Variants in MARCHF8 observed in about 807,000 individuals in gnomAD.
The protein encoded by MARCHF8 is E3 ubiquitin-protein ligase MARCHF8.
In MARCHF8, 40 loss-of-function variants were observed where a neutral mutation model predicts 51.6. That is an observed-to-expected ratio of 0.77 (90% CI 0.60 to 1.01). The LOEUF is 1.01. MARCHF8 is among the 50% of genes least tolerant of loss of function. MARCHF8 has a pLI of 0.00. For missense variants in MARCHF8, 685 were observed against 708.6 expected (o/e 0.97, Z 0.38); for synonymous variants, 263 against 280.3 (o/e 0.94, Z 0.62).
rs1199160400 is a variant in MARCHF8, at chr10:45,463,529, C to G, written c.710G>C (p.Gly237Ala). ...TASEVEAGKG[G>A]RPGLLLEEKA... is the part of the protein sequence containing the mutation. The stretch of plus-strand genomic sequence containing the variant: ...CTCTTCCAGCAGCAGGCCGGGCCTG[C>G]CCCCCTTGCCAGCTTCCACCTCTGA... Residue 237 changes from glycine to alanine, a missense_variant, in exon 5 of 8, where the codon GGC becomes GCC. By Grantham distance (60) the Gly-to-Ala change is moderately conservative. Transcript: ENST00000453424. The G allele has an allele frequency of 1.3e-6, 2 of 1,550,498 alleles. No individual in the cohort carries two copies. Among genetic ancestry groups the G allele is most frequent in the Admixed American group, 3.9e-5 (2 of 50,986 alleles).
intron 3 of MARCHF8, among the ~76,000 whole-genome samples, chr10:45,473,325 A>G (rs1055545110): frequency 8.5e-5 from 13 of 152,216 alleles, no homozygotes; most frequent in Non-Finnish European, 1.8e-4. Context: ...TTGATTAACA[A>G]GAGGTACATA....
chr10:45,481,182 T>C (rs1295635735), intron 3 of MARCHF8, among the ~76,000 whole-genome samples: 5 of 152,216 alleles, frequency 3.3e-5, no homozygotes, highest in Admixed American at 6.5e-5. Flanking sequence ...CCATTTGGAA[T>C]GAGTGTATTT....
intron 1 of MARCHF8, among the ~76,000 whole-genome samples, chr10:45,584,167 A>ATC (rs1554821446): frequency 2.8e-5 from 3 of 105,938 alleles, no homozygotes; most frequent in Non-Finnish European, 4.0e-5. Context: ...ATATATATAT[A>ATC]TCAAGAAATT....
At chr10:45,468,140 T>C (rs1843032557) in intron 3 of MARCHF8, among the ~76,000 whole-genome samples, 1 of 152,280 alleles carries the variant, frequency 6.6e-6, no homozygotes, top group African/African-American at 2.4e-5. Flanking sequence ...CCAAGTCTTT[T>C]AGTGGCTGGC....
intron 3 of MARCHF8, among the ~76,000 whole-genome samples, chr10:45,488,600 C>T (rs2043027087): frequency 1.3e-5 from 2 of 152,200 alleles, no homozygotes. Flanking sequence ...CGGCCGACTG[C>T]TCCTGCCAAC....
intron 1 of MARCHF8, among the ~76,000 whole-genome samples, chr10:45,534,035 T>C (rs556864793): frequency 6.6e-6 from 1 of 152,112 alleles, no homozygotes; most frequent in Non-Finnish European, 1.5e-5. Context: ...TACAAAAAAT[T>C]AGCCAGGCAT....
rs1419683924 is a variant in MARCHF8, at chr10:45,461,349, C to T, written c.1151G>A (p.Ser384Asn). ...GCAGGCCTGGTGCACGAAGTGGAGG[C>T]TTCCTGTGCAGTGGCAGGGGGTGAT... ...PLITPCHCTG[S>N]LHFVHQACLQ... Residue 384 changes from serine to asparagine, a missense_variant, in exon 6 of 8, where the codon AGC becomes AAC. Transcript: ENST00000453424. 6.2e-7 allele frequency: 1 copy of T among 1,607,180 alleles called. No individual in the cohort carries two copies. The highest frequency in any genetic ancestry group is 1.7e-5 in the Admixed American group (1 of 58,820).
chr10:45,518,798 C>T (rs755771959), intron 2 of MARCHF8, among the ~76,000 whole-genome samples: 1 of 152,180 alleles, frequency 6.6e-6, no homozygotes, highest in African/African-American at 2.4e-5. Context: ...GGTTCTAGAG[C>T]CCTCTTGTAA....
At chr10:45,542,239 T>A (rs1368649980) in intron 1 of MARCHF8, among the ~76,000 whole-genome samples, 1 of 148,550 alleles carries the variant, frequency 6.7e-6, no homozygotes, top group African/African-American at 2.5e-5. Flanking sequence ...CCCAGCTACT[T>A]GGTAGGCTGA....
chr10:45,511,806 T>C (rs953580917), intron 2 of MARCHF8, among the ~76,000 whole-genome samples: 13 of 152,100 alleles, frequency 8.5e-5, no homozygotes, highest in East Asian at 1.9e-4. Flanking sequence ...AGTGCCGAGA[T>C]TGCAGCCTCT....
At chr10:45,560,272 T>C (rs374961247) in intron 1 of MARCHF8, among the ~76,000 whole-genome samples, 16 of 152,282 alleles carry the variant, frequency 1.1e-4, no homozygotes, top group African/African-American at 3.6e-4. Context: ...GCAAACCTTC[T>C]TGGAAGGCCA....
chr10:45,547,774 A>G (rs376179912), intron 1 of MARCHF8, among the ~76,000 whole-genome samples: 15 of 152,218 alleles, frequency 9.9e-5, no homozygotes, highest in East Asian at 9.6e-4. Context: ...AGTATTAAAT[A>G]GTGACAGGCC....
At chr10:45,576,976 A>AG in intron 1 of MARCHF8, among the ~76,000 whole-genome samples, 1 of 124,248 alleles carries the variant, frequency 8.0e-6, no homozygotes, top group Admixed American at 7.9e-5. Flanking sequence ...AGAGAAAAGA[A>AG]AAAAAAAAAA....
chr10:45,494,965 C>T (rs1404272745), intron 2 of MARCHF8, among the ~76,000 whole-genome samples: 1 of 152,018 alleles, frequency 6.6e-6, no homozygotes, highest in African/African-American at 2.4e-5. Context: ...ACTAGAAATA[C>T]AAAAATTAGC....
intron 1 of MARCHF8, among the ~76,000 whole-genome samples, chr10:45,590,421 T>C (rs752940096): frequency 1.8e-4 from 28 of 152,148 alleles, no homozygotes; most frequent in Non-Finnish European, 3.2e-4. Context: ...GGGGAGCATG[T>C]AGACAGGATA....
chr10:45,562,443 T>G (rs1034407487), intron 1 of MARCHF8, among the ~76,000 whole-genome samples: 2 of 152,134 alleles, frequency 1.3e-5, no homozygotes, highest in Admixed American at 6.6e-5. Flanking sequence ...GCTCAGACTA[T>G]AGAATTCTCA....
At chr10:45,514,451 C>A (rs1167326224) in intron 2 of MARCHF8, among the ~76,000 whole-genome samples, 2 of 152,264 alleles carry the variant, frequency 1.3e-5, no homozygotes, top group African/African-American at 4.8e-5. Flanking sequence ...CAGCTGCCAC[C>A]CTACAGCTGC....
intron 1 of MARCHF8, among the ~76,000 whole-genome samples, chr10:45,568,738 A>C (rs927213670): frequency 6.7e-5 from 9 of 134,212 alleles, no homozygotes; most frequent in South Asian, 2.5e-4. Context: ...AAAAAAAAAA[A>C]CCACTAACAC....
chr10:45,506,876 A>C (rs750491995), intron 2 of MARCHF8, among the ~76,000 whole-genome samples: 1 of 152,204 alleles, frequency 6.6e-6, no homozygotes, highest in Non-Finnish European at 1.5e-5. Context: ...GGATGTATAC[A>C]TGCAGGCTTG....
Sources: gnomAD v4.1 joint callset for allele counts (sites outside exome capture counted in the v4.1 genomes callset) on GRCh38, gnomAD v4.1.1 for gene constraint, MANE v1.5 for transcripts, NCBI Gene and HGNC (gene_info 2026-07-23, HGNC 2026-07-21) for gene names.